Variants in BMP2K observed in about 807,000 individuals in gnomAD.
The protein encoded by BMP2K is BMP2 inducible kinase, also known as BMP-2-inducible protein kinase.
BMP2K carries 74 observed loss-of-function variants against 116.0 expected under a neutral mutation model. The ratio of observed to expected loss-of-function variants is 0.64; its 90% CI spans 0.53 to 0.77. The LOEUF (loss-of-function observed/expected upper bound fraction) is 0.77. Among genes scored for constraint, BMP2K ranks in the 30% least tolerant of loss-of-function variants. The probability of loss-of-function intolerance (pLI) is 0.00; values close to 1 mark genes in which losing one functional copy is unlikely to be tolerated. For synonymous variants in BMP2K, 486 were observed against 502.5 expected (o/e 0.97, Z 0.44); for missense variants, 1,365 against 1,403.6 (o/e 0.97, Z 0.44).
Position 78,911,422 on chromosome 4 carries a change from T to G in BMP2K, c.2875T>G (p.Phe959Val), listed in dbSNP as rs1734593519. The change falls in exon 16 of 16, where the codon TTT becomes GTT. Residue 959 changes from phenylalanine (F) to valine (V), a missense_variant. Physicochemically the swap from Phe to Val is conservative, Grantham distance 50. Coordinates refer to ENST00000502613, the MANE Select transcript of BMP2K (RefSeq NM_198892.2). ...TGAGGACCTTTTTGGGCTTGTGCCC[T>G]TTGATGAAATAACGGGGAGCCAGCA... ...SNEDLFGLVP[F>V]DEITGSQQQK... 2 of 1,613,926 alleles carry G rather than the reference T, an allele frequency of 1.2e-6. No individual in the cohort carries two copies. The highest frequency in any genetic ancestry group is 1.7e-6 in the Non-Finnish European group (2 of 1,179,886).
At chr4:78,840,172 G>A (rs1324141127) in intron 3 of BMP2K, among the ~76,000 whole-genome samples, 1 of 152,074 alleles carries the variant, frequency 6.6e-6, no homozygotes, top group Admixed American at 6.6e-5. Flanking sequence ...GCTTTTTAAT[G>A]TTAGTGATGA....
intron 1 of BMP2K, among the ~76,000 whole-genome samples, chr4:78,794,581 T>C (rs1326741726): frequency 4.6e-5 from 7 of 152,300 alleles, no homozygotes; most frequent in African/African-American, 1.7e-4. Context: ...TCTATTTTTT[T>C]TTCTTTATTT....
At chr4:78,786,685 G>A (rs190847505) in intron 1 of BMP2K, among the ~76,000 whole-genome samples, 3 of 152,238 alleles carry the variant, frequency 2.0e-5, no homozygotes, top group Admixed American at 1.3e-4. Context: ...ATGGGGTCTT[G>A]TAGGATATAT....
chr4:78,859,763 CTT>C (rs1306973735), intron 8 of BMP2K, 76 bp downstream of exon 8: 3 of 1,022,030 alleles, frequency 2.9e-6, no homozygotes, highest in South Asian at 1.6e-5. Context: ...TTCAGAGTTA[CTT>C]TTTTTTTGTT....
chr4:78,851,141 C>G, intron 7 of BMP2K, 85 bp downstream of exon 7: 2 of 1,257,222 alleles, frequency 1.6e-6, no homozygotes, highest in Non-Finnish European at 2.1e-6. Context: ...TAAATCTAGT[C>G]TTAATTTCAT....
chr4:78,845,867 T>A (rs1196301854), intron 5 of BMP2K, among the ~76,000 whole-genome samples: 1 of 151,628 alleles, frequency 6.6e-6, no homozygotes, highest in Non-Finnish European at 1.5e-5. Flanking sequence ...CTCTGGCCCA[T>A]TTGTATAATA....
intron 6 of BMP2K, among the ~76,000 whole-genome samples, chr4:78,848,953 T>C (rs898335580): frequency 6.6e-6 from 1 of 151,450 alleles, no homozygotes; most frequent in Non-Finnish European, 1.5e-5. Context: ...GTGAATTCAG[T>C]AATATCCAGA....
At chr4:78,829,847 CTTCTT>C (rs1297838840) in intron 2 of BMP2K, among the ~76,000 whole-genome samples, 1 of 135,856 alleles carries the variant, frequency 7.4e-6, no homozygotes, top group African/African-American at 2.8e-5. Flanking sequence ...CTTCTCTTCT[CTTCTT>C]TTTTTCTTTT....
intron 1 of BMP2K, among the ~76,000 whole-genome samples, chr4:78,794,082 G>A (rs1728136309): frequency 6.6e-6 from 1 of 152,048 alleles, no homozygotes; most frequent in Non-Finnish European, 1.5e-5. Flanking sequence ...TTCCCAAAAG[G>A]CCGTGTGACC....
chr4:78,793,436 A>T (rs1186887218), intron 1 of BMP2K, among the ~76,000 whole-genome samples: 54 of 151,958 alleles, frequency 3.6e-4, no homozygotes, highest in Non-Finnish European at 1.9e-4. Flanking sequence ...TTAAAAAAAA[A>T]GTTATGCACC....
chr4:78,903,561 GTC>G (rs1036884547), intron 15 of BMP2K, among the ~76,000 whole-genome samples: 20 of 151,824 alleles, frequency 1.3e-4, no homozygotes, highest in Admixed American at 2.6e-4. Context: ...TTCTATTATT[GTC>G]TCTATTTTCT....
intron 1 of BMP2K, among the ~76,000 whole-genome samples, chr4:78,808,013 T>G (rs1189070251): frequency 6.6e-6 from 1 of 152,110 alleles, no homozygotes; most frequent in Non-Finnish European, 1.5e-5. Context: ...GTTATTTCCT[T>G]TCTTCTTCTT....
intron 3 of BMP2K, among the ~76,000 whole-genome samples, chr4:78,834,719 G>C (rs955010571): frequency 1.6e-4 from 24 of 152,132 alleles, no homozygotes; most frequent in African/African-American, 5.6e-4. Context: ...AACTCTTACA[G>C]TTTCCTGAAG....
intron 15 of BMP2K, among the ~76,000 whole-genome samples, chr4:78,895,385 T>C (rs1733648726): frequency 6.6e-6 from 1 of 152,240 alleles, no homozygotes; most frequent in Admixed American, 6.5e-5. Flanking sequence ...TTTGATATGC[T>C]GAATTTGCCA....
chr4:78,896,509 G>GTT (rs753360281), intron 15 of BMP2K, among the ~76,000 whole-genome samples: 8 of 152,046 alleles, frequency 5.3e-5, no homozygotes, highest in Non-Finnish European at 1.0e-4. Flanking sequence ...GTGACTCAGG[G>GTT]TTTTTAGTGA....
intron 1 of BMP2K, among the ~76,000 whole-genome samples, chr4:78,788,895 G>GTTTTTT (rs369759418): frequency 9.3e-6 from 1 of 107,352 alleles, no homozygotes; most frequent in African/African-American, 3.3e-5. Flanking sequence ...AATAGTGGCT[G>GTTTTTT]TTTTTTTTTT....
rs754406648 is a variant in BMP2K, at chr4:78,911,627, G to A, written c.3080G>A (p.Arg1027Gln). The A allele has an allele frequency of 3.1e-6, 5 of 1,613,838 alleles. No individual in the cohort carries two copies. The highest frequency in any genetic ancestry group is 2.2e-5 in the East Asian group (1 of 44,886). ...RARRHKKVGR[R>Q]DSQSSNEFLT... ...CGCAGGCACAAAAAAGTGGGCCGCC[G>A]AGACTCTCAAAGTAGCAATGAATTT... The change falls in exon 16 of 16, where the codon CGA (arginine) becomes CAA (glutamine). Residue 1027 changes from arginine (R) to glutamine (Q), a missense_variant. Physicochemically the swap from Arg to Gln is conservative, Grantham distance 43. Transcript: ENST00000502613.
intron 9 of BMP2K, among the ~76,000 whole-genome samples, chr4:78,862,691 G>A (rs78901894): frequency 9.2e-4 from 140 of 152,164 alleles, no homozygotes; most frequent in African/African-American, 3.2e-3. Flanking sequence ...TGACTGTGTT[G>A]TAAATGATCT....
intron 2 of BMP2K, among the ~76,000 whole-genome samples, chr4:78,832,372 C>G (rs1034496452): frequency 4.6e-5 from 7 of 152,130 alleles, no homozygotes; most frequent in African/African-American, 1.7e-4. Flanking sequence ...AGGGGGATTT[C>G]TTATTTTGTA....
Sources: allele counts gnomAD v4.1 joint callset (sites outside exome capture counted in the v4.1 genomes callset), GRCh38; gene constraint gnomAD v4.1.1; transcripts MANE v1.5; gene names NCBI Gene and HGNC (gene_info 2026-07-23, HGNC 2026-07-21).